Variants in CCSER1 observed in about 807,000 individuals in gnomAD.
CCSER1 encodes the protein serine-rich coiled-coil domain-containing protein 1.
In CCSER1, 41 loss-of-function variants were observed where a neutral mutation model predicts 82.0. The observed-to-expected ratio is 0.50, with a 90% CI of 0.39 to 0.65. CCSER1 has a LOEUF of 0.65. CCSER1 is among the 30% of genes least tolerant of loss of function. The probability of loss-of-function intolerance (pLI) is 0.00; values close to 1 mark genes in which losing one functional copy is unlikely to be tolerated. For synonymous variants in CCSER1, 414 were observed against 383.9 expected (o/e 1.08, Z -0.92); for missense variants, 1,119 against 1,064.2 (o/e 1.05, Z -0.72).
At chr4:90,721,959 G>T (rs115794405) in intron 6 of CCSER1, among the ~76,000 whole-genome samples, 1,646 of 151,342 alleles carry the variant, frequency 0.011, 32 homozygotes, top group African/African-American at 0.038. Flanking sequence ...ATTATAGCTA[G>T]AACACAATTT....
At chr4:91,055,266 G>A (rs73834769) in intron 9 of CCSER1, among the ~76,000 whole-genome samples, 2,079 of 152,100 alleles carry the variant, frequency 0.014, 51 homozygotes, top group African/African-American at 0.046. Context: ...AAACAACTCT[G>A]CTCCCTTATA....
chr4:91,324,334 C>G (rs1473100421), intron 10 of CCSER1, among the ~76,000 whole-genome samples: 2 of 152,068 alleles, frequency 1.3e-5, no homozygotes, highest in Non-Finnish European at 2.9e-5. Context: ...GTCGGAGTGT[C>G]AAAATGACTT....
intron 5 of CCSER1, among the ~76,000 whole-genome samples, chr4:90,508,183 T>C (rs1770974610): frequency 1.3e-5 from 2 of 152,014 alleles, no homozygotes; most frequent in Non-Finnish European, 2.9e-5. Context: ...GTACTGAAAA[T>C]TGCCTCTCAG....
At chr4:90,581,203 C>A (rs1054520056) in intron 5 of CCSER1, among the ~76,000 whole-genome samples, 2 of 151,912 alleles carry the variant, frequency 1.3e-5, no homozygotes, top group South Asian at 2.1e-4. Context: ...AAAATTACCC[C>A]ATTAGCAATT....
At position 91,313,227 on chromosome 4, in the gene CCSER1, A is replaced by G. The variant is rs979798809; in HGVS notation, c.2217+227233A>G. The stretch of plus-strand genomic sequence containing the variant: ...TTATAAATTCAATTAATATTTTTAT[A>G]TAATTAGTTATAACATATTCTAATT... On this transcript the variant is annotated intron_variant, in intron 10 of 10. Coordinates refer to ENST00000509176, the MANE Select transcript of CCSER1 (RefSeq NM_001145065.2). Among the ~76,000 whole-genome samples the G allele has an allele frequency of 2.0e-5, 3 of 151,910 alleles. 1 individual carries two copies. Among genetic ancestry groups the G allele is most frequent in the South Asian group, 4.1e-4 (2 of 4,828 alleles).
chr4:90,947,434 A>G (rs1198682215), intron 9 of CCSER1, among the ~76,000 whole-genome samples: 5 of 152,196 alleles, frequency 3.3e-5, no homozygotes, highest in Non-Finnish European at 7.4e-5. Flanking sequence ...AATTTTTAAC[A>G]TATGACATAA....
chr4:91,148,645 C>A (rs1729792912), intron 10 of CCSER1, among the ~76,000 whole-genome samples: 1 of 152,120 alleles, frequency 6.6e-6, no homozygotes, highest in Admixed American at 6.6e-5. Context: ...TCCCACCACC[C>A]CATGACAGGC....
chr4:90,285,385 T>C (rs1351726279), intron 1 of CCSER1, among the ~76,000 whole-genome samples: 1 of 152,068 alleles, frequency 6.6e-6, no homozygotes, highest in Non-Finnish European at 1.5e-5. Flanking sequence ...TGTAGGTATT[T>C]AATTTTACTT....
intron 9 of CCSER1, among the ~76,000 whole-genome samples, chr4:91,004,693 GT>G (rs1738348460): frequency 6.6e-6 from 1 of 152,130 alleles, no homozygotes; most frequent in Non-Finnish European, 1.5e-5. Flanking sequence ...TTTGATAGGT[GT>G]TTTTAAACAC....
intron 6 of CCSER1, chr4:90,642,474 G>T (rs1188483916): frequency 6.6e-6 from 1 of 152,162 alleles, no homozygotes; most frequent in African/African-American, 2.4e-5. Flanking sequence ...TGTGGAAATT[G>T]ATGGACTTTA....
chr4:91,097,656 C>G (rs1029810029), intron 10 of CCSER1, among the ~76,000 whole-genome samples: 5 of 152,122 alleles, frequency 3.3e-5, no homozygotes, highest in Admixed American at 3.3e-4. Context: ...TATAGACATA[C>G]TCATTCCATT....
Position 90,723,897 on chromosome 4 carries a change from T to C in CCSER1, c.1933-17T>C. The C allele has an allele frequency of 2.2e-6, 3 of 1,393,724 alleles. No homozygotes were observed. Among genetic ancestry groups the C allele is most frequent in the Non-Finnish European group, 2.9e-6 (3 of 1,044,362 alleles). The allele number at this position is 1,393,724 out of a possible 1,614,324, so 86.3% of individuals were successfully genotyped here. A position where few individuals can be genotyped will look rare whatever the true frequency, so the allele number is the denominator to read the frequency against. On this transcript the variant is annotated splice_polypyrimidine_tract_variant and intron_variant, in intron 6 of 10. Transcript: ENST00000509176. ...ACAAAACAATCCTAATTAAATTCAATTTCACTGTCCTTGCAGAGTGCAGAC... is the reference window on the plus strand; with the variant it reads ...ACAAAACAATCCTAATTAAATTCAACTTCACTGTCCTTGCAGAGTGCAGAC...
At position 91,013,546 on chromosome 4, in the gene CCSER1, A is replaced by T. The variant is rs566472434; in HGVS notation, c.2173-72404A>T. Among the ~76,000 whole-genome samples the T allele has an allele frequency of 4.1e-3, 489 of 120,336 alleles. 44 individuals are homozygous for T. Among genetic ancestry groups the T allele is most frequent in the African/African-American group, 0.011 (375 of 35,250 alleles). The allele number at this position is 120,336 out of a possible 152,430, so 78.9% of individuals were successfully genotyped here. A position where few individuals can be genotyped will look rare whatever the true frequency, so the allele number is the denominator to read the frequency against. Reference sequence around the variant, plus strand: ...TCTTTCTCAAGACATATATATATATATATTTTTTTGCTAGTCTGTCTGTTT... The same window carrying T: ...TCTTTCTCAAGACATATATATATATTTATTTTTTTGCTAGTCTGTCTGTTT... On this transcript the variant is annotated intron_variant, in intron 9 of 10. Transcript: ENST00000509176.
At chr4:90,841,597 A>AAG (rs1561230179) in intron 8 of CCSER1, among the ~76,000 whole-genome samples, 27 of 150,240 alleles carry the variant, frequency 1.8e-4, no homozygotes, top group East Asian at 3.9e-4. Flanking sequence ...AAAAAAAAAA[A>AAG]AGAAGAAGAA....
intron 10 of CCSER1, among the ~76,000 whole-genome samples, chr4:91,164,787 A>T (rs892998425): frequency 3.3e-5 from 5 of 152,108 alleles, no homozygotes; most frequent in African/African-American, 1.2e-4. Flanking sequence ...CCATCAGGTC[A>T]TTTAAGGTCT....
chr4:90,810,102 A>T (rs531175890), intron 7 of CCSER1, among the ~76,000 whole-genome samples: 2 of 152,248 alleles, frequency 1.3e-5, no homozygotes, highest in East Asian at 3.9e-4. Context: ...TGGTAATTGT[A>T]TTGGAAAAAA....
chr4:90,521,544 G>A (rs976430580), intron 5 of CCSER1, among the ~76,000 whole-genome samples: 1 of 152,084 alleles, frequency 6.6e-6, no homozygotes, highest in Non-Finnish European at 1.5e-5. Context: ...ACTGGAGAGC[G>A]CAATGTATGA....
chr4:91,513,475 G>A (rs1267775538), intron 10 of CCSER1, among the ~76,000 whole-genome samples: 3 of 152,074 alleles, frequency 2.0e-5, no homozygotes, highest in Non-Finnish European at 4.4e-5. Flanking sequence ...TGCTGGCTTT[G>A]TAGAATGAGT....
chr4:90,233,162 G>C (rs564430048), intron 1 of CCSER1, among the ~76,000 whole-genome samples: 1 of 152,254 alleles, frequency 6.6e-6, no homozygotes, highest in East Asian at 1.9e-4. Flanking sequence ...CTGCTATAAA[G>C]AGACATGACA....
Sources: allele counts gnomAD v4.1 joint callset (sites outside exome capture counted in the v4.1 genomes callset), GRCh38; gene constraint gnomAD v4.1.1; transcripts MANE v1.5; gene names NCBI Gene and HGNC (gene_info 2026-07-23, HGNC 2026-07-21).